SHANK2: variants seen among roughly 807,000 people sequenced by gnomAD.
SHANK2 encodes SH3 and multiple ankyrin repeat domains protein 2.
In SHANK2, 43 loss-of-function variants were observed where a neutral mutation model predicts 133.7. That is an observed-to-expected ratio of 0.32 (90% CI 0.25 to 0.41). SHANK2 has a LOEUF of 0.41. Among genes scored for constraint, SHANK2 ranks in the 10% least tolerant of loss-of-function variants. The pLI is 1.00. For missense variants in SHANK2, 1,994 were observed against 2,235.8 expected, an observed-to-expected ratio of 0.89 and a Z score of 2.18; for synonymous variants, 1,017 against 952.8, an observed-to-expected ratio of 1.07 and a Z score of -1.24.
chr11:70,502,730 T>TGGGGGGG, intron 18 of SHANK2, 66 bp downstream of exon 18: 10 of 772,452 alleles, frequency 1.3e-5, no homozygotes, highest in East Asian at 5.3e-5. Flanking sequence ...CCAGCTGTCC[T>TGGGGGGG]GCCCGCCCCC....
chr11:71,184,099 G>A (rs1364189233), intron 2 of SHANK2, among the ~76,000 whole-genome samples: 1 of 152,166 alleles, frequency 6.6e-6, no homozygotes, highest in African/African-American at 2.4e-5. Flanking sequence ...TACCGACTGG[G>A]CAGAGGGAGA....
rs577887192 is a variant in SHANK2 at position 70,879,875 on chromosome 11, A to T, written c.1174+16626T>A. 5.8e-4 allele frequency among the ~76,000 whole-genome samples: 88 copies of T among 152,296 alleles called. 3 individuals carry two copies. The highest frequency in any genetic ancestry group is 2.9e-3 in the Admixed American group (44 of 15,304). ...TCCCCAGGGAAGGGCACAAGCAAGG[A>T]GTCAGGGAAAGCGGAGTCCACAGGG... is the stretch of plus-strand genomic sequence containing the variant. On this transcript the variant is annotated intron_variant, in intron 11 of 25. Transcript: ENST00000601538.
At chr11:70,712,204 C>T (rs574800324) in intron 14 of SHANK2, among the ~76,000 whole-genome samples, 1 of 152,312 alleles carries the variant, frequency 6.6e-6, no homozygotes, top group Non-Finnish European at 1.5e-5. Flanking sequence ...CAAGTCCTTC[C>T]CCCCACTGCA....
chr11:70,839,631 A>G (rs1948873114), intron 11 of SHANK2, among the ~76,000 whole-genome samples: 1 of 152,166 alleles, frequency 6.6e-6, no homozygotes, highest in Non-Finnish European at 1.5e-5. Context: ...ACAAGAATCC[A>G]ACTTTTGTAA....
At chr11:70,638,974 G>T (rs1213055719) in intron 17 of SHANK2, among the ~76,000 whole-genome samples, 1 of 151,784 alleles carries the variant, frequency 6.6e-6, no homozygotes, top group Non-Finnish European at 1.5e-5. Context: ...TCCAGCCTGG[G>T]CAACAAGAGT....
At chr11:70,502,013 C>G (rs889213979) in intron 19 of SHANK2, 82 bp from the exon 20 acceptor site, 3 of 1,473,140 alleles carry the variant, frequency 2.0e-6, no homozygotes, top group Admixed American at 3.9e-5. Flanking sequence ...AACAACGCCC[C>G]GCGAGGCTCC....
At chr11:71,191,130 C>T (rs545360796) in intron 2 of SHANK2, among the ~76,000 whole-genome samples, 21 of 151,718 alleles carry the variant, frequency 1.4e-4, no homozygotes, top group South Asian at 6.3e-4. Flanking sequence ...ACGATTGCTC[C>T]GGTGCACTCC....
At chr11:70,643,602 A>C (rs530408641) in intron 17 of SHANK2, among the ~76,000 whole-genome samples, 1 of 150,312 alleles carries the variant, frequency 6.7e-6, no homozygotes, top group African/African-American at 2.4e-5. Context: ...AAATATTATT[A>C]TACTACAGTG....
chr11:70,761,126 G>T (rs2134978418), intron 14 of SHANK2, among the ~76,000 whole-genome samples: 1 of 152,280 alleles, frequency 6.6e-6, no homozygotes, highest in Non-Finnish European at 1.5e-5. Context: ...TGGACTGAAT[G>T]GTGTCTCCTC....
chr11:71,207,802 C>T (rs1187755960), intron 2 of SHANK2, among the ~76,000 whole-genome samples: 1 of 152,036 alleles, frequency 6.6e-6, no homozygotes, highest in Non-Finnish European at 1.5e-5. Flanking sequence ...AGTGTGACAC[C>T]GTCACTGGAG....
chr11:71,163,600 C>G (rs782803489), intron 2 of SHANK2, among the ~76,000 whole-genome samples: 3 of 152,110 alleles, frequency 2.0e-5, no homozygotes, highest in Non-Finnish European at 4.4e-5. Flanking sequence ...AGATAAGGAG[C>G]CTTAGAAGAT....
chr11:71,220,169 G>A (rs189022438), intron 2 of SHANK2, among the ~76,000 whole-genome samples: 2 of 152,168 alleles, frequency 1.3e-5, no homozygotes, highest in African/African-American at 2.4e-5. Context: ...CTGGGAGGCC[G>A]ACGCTGCAGT....
chr11:71,148,223 T>C (rs9888167), intron 2 of SHANK2, among the ~76,000 whole-genome samples: 54,432 of 152,104 alleles, frequency 0.36, 12,114 homozygotes, highest in African/African-American at 0.63. Context: ...TAGCTGGGAT[T>C]GCAGGCATGC....
At chr11:71,210,210 G>GTGTATATATATGTATGTATATATA (rs1491563939) in intron 2 of SHANK2, among the ~76,000 whole-genome samples, 5 of 54,064 alleles carry the variant, frequency 9.2e-5, no homozygotes, top group East Asian at 1.1e-3. Flanking sequence ...AAATCCACAG[G>GTGTATATATATGTATGTATATATA]TATATATATA....
intron 3 of SHANK2, among the ~76,000 whole-genome samples, chr11:71,145,530 G>T (rs1163655261): frequency 6.6e-6 from 1 of 152,226 alleles, no homozygotes; most frequent in Non-Finnish European, 1.5e-5. Context: ...AGGGAGCAGG[G>T]CTGGGGGTGG....
intron 21 of SHANK2, among the ~76,000 whole-genome samples, chr11:70,494,152 A>T (rs1440600899): frequency 6.6e-6 from 1 of 152,132 alleles, no homozygotes; most frequent in African/African-American, 2.4e-5. Flanking sequence ...GCGCCCTGTG[A>T]TGGCCCCTCA....
At position 70,471,722 on chromosome 11, in the gene SHANK2, T is replaced by A. The variant is rs2135654512; in HGVS notation, c.*1147A>T. Reference sequence around the variant, plus strand: ...ATAGGGGAAAAGCCTCTAAGTACCATCTTCCCTGGCCTCCGAGAGCAAAAG... The same window carrying A: ...ATAGGGGAAAAGCCTCTAAGTACCAACTTCCCTGGCCTCCGAGAGCAAAAG... On this transcript the variant is annotated 3_prime_UTR_variant, in exon 26 of 26. Transcript: ENST00000601538. The surrounding 1 kb of genome is among the most constrained non-coding windows in gnomAD (Gnocchi z 4.1). The A allele has an allele frequency of 3.9e-6, 1 of 255,990 alleles. No individual in the cohort carries two copies. Among genetic ancestry groups the A allele is most frequent in the East Asian group, 6.8e-5 (1 of 14,608 alleles). The allele number at this position is 255,990 out of a possible 1,614,324, so 15.9% of individuals were successfully genotyped here. A position where few individuals can be genotyped will look rare whatever the true frequency, so the allele number is the denominator to read the frequency against.
chr11:70,729,500 A>T (rs1340212739), intron 14 of SHANK2, among the ~76,000 whole-genome samples: 2 of 150,340 alleles, frequency 1.3e-5, no homozygotes, highest in Non-Finnish European at 3.0e-5. Flanking sequence ...GAATGTACTC[A>T]TGCCACTGCA....
At chr11:70,531,044 G>C (rs1277901783) in intron 17 of SHANK2, among the ~76,000 whole-genome samples, 2 of 151,390 alleles carry the variant, frequency 1.3e-5, no homozygotes, top group Non-Finnish European at 2.9e-5. Context: ...CATTCGTCGG[G>C]CTTGGTGGCG....
Sources: gnomAD v4.1 joint callset for allele counts (sites outside exome capture counted in the v4.1 genomes callset) on GRCh38, gnomAD v4.1.1 for gene constraint, Gnocchi (gnomAD v3.1) non-coding constraint, MANE v1.5 for transcripts, NCBI Gene and HGNC (gene_info 2026-07-23, HGNC 2026-07-21) for gene names.